VAV3: variants seen among roughly 807,000 people sequenced by gnomAD.
VAV3 encodes the protein vav guanine nucleotide exchange factor 3, also known as guanine nucleotide exchange factor VAV3.
In VAV3, 94 loss-of-function variants were observed where a neutral mutation model predicts 131.2. The ratio of observed to expected loss-of-function variants is 0.72; its 90% CI spans 0.61 to 0.85. The LOEUF is 0.85. VAV3 is among the 40% of genes least tolerant of loss of function. VAV3 has a pLI of 0.00. For missense variants in VAV3, 939 were observed against 1,002.7 expected (o/e 0.94, Z 0.86); for synonymous variants, 349 against 342.0 (o/e 1.02, Z -0.22).
At chr1:107,831,873 G>T (rs1464950514) in intron 2 of VAV3, among the ~76,000 whole-genome samples, 1 of 152,200 alleles carries the variant, frequency 6.6e-6, no homozygotes, top group Non-Finnish European at 1.5e-5. Flanking sequence ...GAAAGGTTCT[G>T]CTGAGATTAG....
Position 107,724,552 on chromosome 1 carries a change from T to C in VAV3, c.1503-19491A>G, listed in dbSNP as rs192539045. ...ATAGAGACATGAAAAGAAGTAAACCTAATAAAGTGATTCCCAAAGGTGTAA... is the reference window on the plus strand; with the variant it reads ...ATAGAGACATGAAAAGAAGTAAACCCAATAAAGTGATTCCCAAAGGTGTAA... On this transcript the variant is annotated intron_variant, in intron 15 of 26. Coordinates refer to ENST00000370056, the MANE Select transcript of VAV3 (RefSeq NM_006113.5). 1.8e-3 allele frequency among the ~76,000 whole-genome samples: 280 copies of C among 152,246 alleles called. 1 individual carries two copies. Among genetic ancestry groups the C allele is most frequent in the Non-Finnish European group, 2.6e-3 (180 of 68,020 alleles).
chr1:107,595,239 TA>T (rs1651279359), intron 25 of VAV3, among the ~76,000 whole-genome samples: 2 of 152,148 alleles, frequency 1.3e-5, no homozygotes, highest in African/African-American at 4.8e-5. Flanking sequence ...GTTACTTAAA[TA>T]AAAAATATGT....
At chr1:107,573,737 T>C (rs1649412704) in intron 26 of VAV3, among the ~76,000 whole-genome samples, 1 of 152,234 alleles carries the variant, frequency 6.6e-6, no homozygotes, top group Non-Finnish European at 1.5e-5. Context: ...TATTTTGCAA[T>C]ACACATAAAG....
intron 2 of VAV3, among the ~76,000 whole-genome samples, chr1:107,806,714 C>A (rs1394844133): frequency 3.9e-5 from 6 of 152,018 alleles, no homozygotes; most frequent in Non-Finnish European, 7.4e-5. Flanking sequence ...CTAACATAAC[C>A]ACAAATGTTA....
chr1:107,951,431 A>G (rs1409463406), intron 1 of VAV3, among the ~76,000 whole-genome samples: 1 of 152,214 alleles, frequency 6.6e-6, no homozygotes, highest in African/African-American at 2.4e-5. Flanking sequence ...TGCCCTGTAC[A>G]AATGTCTATA....
At chr1:107,799,307 C>A (rs1205071024) in intron 2 of VAV3, among the ~76,000 whole-genome samples, 26 of 146,206 alleles carry the variant, frequency 1.8e-4, no homozygotes, top group Non-Finnish European at 3.3e-4. Context: ...TAGTGTTCAC[C>A]TATCAAAAAA....
chr1:107,837,433 A>G (rs1010734527), intron 2 of VAV3, among the ~76,000 whole-genome samples: 3 of 152,190 alleles, frequency 2.0e-5, no homozygotes, highest in African/African-American at 7.2e-5. Context: ...GATTGGAAAA[A>G]TCAGTATCAT....
At chr1:107,780,443 C>T (rs1342088476) in intron 2 of VAV3, among the ~76,000 whole-genome samples, 1 of 152,118 alleles carries the variant, frequency 6.6e-6, no homozygotes, top group African/African-American at 2.4e-5. Context: ...ATCTTTTGTC[C>T]TAAGATTGTC....
intron 10 of VAV3, among the ~76,000 whole-genome samples, chr1:107,758,220 C>T (rs1309478014): frequency 6.6e-6 from 1 of 152,046 alleles, no homozygotes; most frequent in East Asian, 1.9e-4. Flanking sequence ...TGATCCTGCC[C>T]CCTTGGAACC....
At chr1:107,942,595 C>A (rs1267156208) in intron 1 of VAV3, among the ~76,000 whole-genome samples, 2 of 152,288 alleles carry the variant, frequency 1.3e-5, no homozygotes, top group East Asian at 3.9e-4. Flanking sequence ...TCATACCTCT[C>A]ATGAAATGTG....
At chr1:107,696,373 G>C (rs960997403) in intron 17 of VAV3, among the ~76,000 whole-genome samples, 20 of 152,256 alleles carry the variant, frequency 1.3e-4, no homozygotes, top group African/African-American at 4.6e-4. Flanking sequence ...TCAGCCTATA[G>C]TGCTATAGGA....
intron 15 of VAV3, among the ~76,000 whole-genome samples, chr1:107,742,098 T>C (rs1244149078): frequency 6.6e-6 from 1 of 152,212 alleles, no homozygotes; most frequent in Admixed American, 6.5e-5. Flanking sequence ...ATGCTGCTGG[T>C]AGAGAACATG....
intron 20 of VAV3, among the ~76,000 whole-genome samples, chr1:107,629,225 T>A (rs1654258952): frequency 6.6e-6 from 1 of 152,240 alleles, no homozygotes; most frequent in South Asian, 2.1e-4. Flanking sequence ...TTTCTATGTT[T>A]TCTATGCATT....
intron 15 of VAV3, among the ~76,000 whole-genome samples, chr1:107,730,750 A>G (rs1014188279): frequency 2.0e-5 from 3 of 152,306 alleles, no homozygotes; most frequent in Middle Eastern, 3.4e-3. Flanking sequence ...ACTCTAAATC[A>G]TATTTTTCAT....
chr1:107,612,472 GTTCA>G (rs1652829798), intron 21 of VAV3, among the ~76,000 whole-genome samples: 1 of 151,934 alleles, frequency 6.6e-6, no homozygotes, highest in South Asian at 2.1e-4. Context: ...GAGGTTTTCT[GTTCA>G]TTCATTATGA....
At chr1:107,676,677 T>C (rs752694326) in intron 19 of VAV3, among the ~76,000 whole-genome samples, 1 of 152,182 alleles carries the variant, frequency 6.6e-6, no homozygotes, top group African/African-American at 2.4e-5. Context: ...TGGTATATAA[T>C]TGAACTGACC....
At chr1:107,575,608 T>C (rs952621983) in intron 25 of VAV3, among the ~76,000 whole-genome samples, 20 of 152,208 alleles carry the variant, frequency 1.3e-4, no homozygotes, top group African/African-American at 4.6e-4. Flanking sequence ...GGCACTACTG[T>C]TAGAGTCGGT....
chr1:107,728,994 GT>G (rs1052167181), intron 15 of VAV3, among the ~76,000 whole-genome samples: 3 of 151,910 alleles, frequency 2.0e-5, no homozygotes, highest in Admixed American at 2.0e-4. Flanking sequence ...AAACAGTTTA[GT>G]TTTTTTTCTC....
chr1:107,804,510 G>C (rs942573598), intron 2 of VAV3, among the ~76,000 whole-genome samples: 4 of 152,076 alleles, frequency 2.6e-5, no homozygotes, highest in African/African-American at 9.7e-5. Context: ...CCCCAAAAAA[G>C]AAACAAGAGA....
Sources: allele counts gnomAD v4.1 joint callset (sites outside exome capture counted in the v4.1 genomes callset), GRCh38; gene constraint gnomAD v4.1.1; transcripts MANE v1.5; gene names NCBI Gene and HGNC (gene_info 2026-07-23, HGNC 2026-07-21).